Variants in DSCAML1 observed in about 807,000 individuals in gnomAD.
DSCAML1 encodes the protein DS cell adhesion molecule like 1.
In DSCAML1, 38 loss-of-function variants were observed where a neutral mutation model predicts 200.5. That is an observed-to-expected ratio of 0.19 (90% CI 0.15 to 0.25). The LOEUF is 0.25. Among genes scored for constraint, DSCAML1 ranks in the 10% least tolerant of loss-of-function variants. The pLI is 1.00. For missense variants in DSCAML1, 2,223 were observed against 2,858.8 expected (o/e 0.78, Z 5.07); for synonymous variants, 1,215 against 1,165.0 (o/e 1.04, Z -0.87).
chr11:117,723,271 G>A (rs969472999), intron 3 of DSCAML1, among the ~76,000 whole-genome samples: 3 of 152,118 alleles, frequency 2.0e-5, no homozygotes, highest in African/African-American at 4.8e-5. Context: ...CAAAGTCACT[G>A]ATAACACATT....
At chr11:117,445,420 G>C (rs570806220) in intron 20 of DSCAML1, among the ~76,000 whole-genome samples, 1 of 152,348 alleles carries the variant, frequency 6.6e-6, no homozygotes, top group South Asian at 2.1e-4. Flanking sequence ...GTGCGTATCT[G>C]TCGTTGATAT....
chr11:117,781,499 C>T (rs962793648), intron 1 of DSCAML1, among the ~76,000 whole-genome samples: 2 of 152,178 alleles, frequency 1.3e-5, no homozygotes, highest in Non-Finnish European at 1.5e-5. Flanking sequence ...TGAATGGCTA[C>T]AGGAGCTGGG....
At chr11:117,450,450 T>C in intron 20 of DSCAML1, 99 bp downstream of exon 20, 2 of 1,488,800 alleles carry the variant, frequency 1.3e-6, no homozygotes, top group Non-Finnish European at 9.0e-7. Flanking sequence ...GAAGCTCAGA[T>C]ACAGGCAGCC....
chr11:117,648,093 G>T (rs1024097440), intron 3 of DSCAML1, among the ~76,000 whole-genome samples: 1 of 152,188 alleles, frequency 6.6e-6, no homozygotes, highest in Non-Finnish European at 1.5e-5. Flanking sequence ...GACCAGCACC[G>T]CCCTCTCCCA....
chr11:117,442,295 A>G (rs1240403621), intron 21 of DSCAML1, among the ~76,000 whole-genome samples: 1 of 145,426 alleles, frequency 6.9e-6, no homozygotes, highest in African/African-American at 2.6e-5. Flanking sequence ...GTATGTGTGT[A>G]TATGTGTGCA....
chr11:117,671,413 C>T (rs2053103584), intron 3 of DSCAML1, among the ~76,000 whole-genome samples: 1 of 152,164 alleles, frequency 6.6e-6, no homozygotes, highest in Admixed American at 6.5e-5. Flanking sequence ...CTGCTAAACC[C>T]AGCACACACA....
At chr11:117,695,289 T>A (rs1472105238) in intron 3 of DSCAML1, among the ~76,000 whole-genome samples, 1 of 151,762 alleles carries the variant, frequency 6.6e-6, no homozygotes, top group Non-Finnish European at 1.5e-5. Flanking sequence ...GGGCAGATCT[T>A]TTTTTTCTTT....
intron 3 of DSCAML1, among the ~76,000 whole-genome samples, chr11:117,574,738 G>A (rs1230940532): frequency 6.6e-6 from 1 of 152,194 alleles, no homozygotes; most frequent in Non-Finnish European, 1.5e-5. Context: ...CTACTGTGGG[G>A]CCTGCCACGG....
At chr11:117,573,435 T>C (rs961981573) in intron 3 of DSCAML1, among the ~76,000 whole-genome samples, 9 of 152,156 alleles carry the variant, frequency 5.9e-5, no homozygotes, top group Admixed American at 3.9e-4. Context: ...GGAGCCCATC[T>C]CTCTTCCATT....
At chr11:117,560,788 C>T (rs1418533258) in intron 3 of DSCAML1, among the ~76,000 whole-genome samples, 1 of 152,198 alleles carries the variant, frequency 6.6e-6, no homozygotes, top group African/African-American at 2.4e-5. Flanking sequence ...TCCTGTGCCC[C>T]CCACACCCCT....
At chr11:117,496,582 T>C (rs986604467) in intron 11 of DSCAML1, among the ~76,000 whole-genome samples, 7 of 152,240 alleles carry the variant, frequency 4.6e-5, no homozygotes, top group Non-Finnish European at 8.8e-5. Flanking sequence ...ATTTTGTGAT[T>C]CATCTGGTCT....
intron 3 of DSCAML1, among the ~76,000 whole-genome samples, chr11:117,736,768 T>C (rs2054323700): frequency 6.6e-6 from 1 of 152,234 alleles, no homozygotes; most frequent in South Asian, 2.1e-4. Flanking sequence ...CCTCATTTTA[T>C]TGACAAGCAA....
At chr11:117,555,175 T>C (rs2050538869) in intron 3 of DSCAML1, among the ~76,000 whole-genome samples, 1 of 152,218 alleles carries the variant, frequency 6.6e-6, no homozygotes, top group African/African-American at 2.4e-5. Context: ...TGGGCTCCCG[T>C]AGCAACCCAT....
intron 5 of DSCAML1, 32 bp downstream of exon 5, chr11:117,524,773 C>T (rs2137324240): frequency 6.4e-7 from 1 of 1,552,880 alleles, no homozygotes; most frequent in Non-Finnish European, 8.7e-7. Flanking sequence ...TCAGAGGTTA[C>T]TGGGGCTGCA....
intron 3 of DSCAML1, among the ~76,000 whole-genome samples, chr11:117,666,875 G>A (rs906935045): frequency 2.0e-5 from 3 of 152,222 alleles, no homozygotes; most frequent in African/African-American, 4.8e-5. Flanking sequence ...CCTAGCAGAT[G>A]CGTGGCACGT....
intron 8 of DSCAML1, among the ~76,000 whole-genome samples, chr11:117,515,236 G>A (rs1247578235): frequency 1.3e-5 from 2 of 152,158 alleles, no homozygotes; most frequent in Non-Finnish European, 2.9e-5. Context: ...AGAGACATAA[G>A]CTCTTCAGCC....
chr11:117,710,061 G>C (rs1329627115), intron 3 of DSCAML1, among the ~76,000 whole-genome samples: 1 of 152,188 alleles, frequency 6.6e-6, no homozygotes, highest in Non-Finnish European at 1.5e-5. Context: ...TTGTCCTGCT[G>C]ACAGATGACT....
intron 11 of DSCAML1, among the ~76,000 whole-genome samples, chr11:117,491,710 G>A (rs536859): frequency 0.13 from 20,273 of 152,212 alleles, 1,709 homozygotes; most frequent in East Asian, 0.3. Flanking sequence ...GGAGGTGGAG[G>A]CTGCAGTGAG....
chr11:117,630,102 C>T (rs542114715), intron 3 of DSCAML1, among the ~76,000 whole-genome samples: 4 of 152,316 alleles, frequency 2.6e-5, no homozygotes, highest in South Asian at 2.1e-4. Flanking sequence ...GACAGACCTG[C>T]AGTGTCCCCA....
Sources: allele counts gnomAD v4.1 joint callset (sites outside exome capture counted in the v4.1 genomes callset), GRCh38; gene constraint gnomAD v4.1.1; transcripts MANE v1.5; gene names NCBI Gene and HGNC (gene_info 2026-07-23, HGNC 2026-07-21).